Variants in ADRA1D observed in about 807,000 individuals in gnomAD.
ADRA1D encodes adrenoceptor alpha 1D.
ADRA1D carries 22 observed loss-of-function variants against 18.6 expected under a neutral mutation model. That is an observed-to-expected ratio of 1.19 (90% CI 0.85 to 1.69). ADRA1D has a LOEUF of 1.69. Ranked by LOEUF, ADRA1D falls within the 40% of genes most tolerant of loss-of-function variation. The pLI, the probability that ADRA1D is intolerant of heterozygous loss-of-function variation, is 0.00. For synonymous variants in ADRA1D, 376 were observed against 388.2 expected (o/e 0.97, Z 0.37); for missense variants, 840 against 840.7 (o/e 1.00, Z 0.01).
Position 4,221,986 on chromosome 20 carries a change from C to T in ADRA1D, c.1256G>A (p.Cys419Tyr). Residue 419 changes from cysteine to tyrosine, a missense_variant, in exon 2 of 2, where the codon TGC (cysteine) becomes TAC (tyrosine). Coordinates refer to ENST00000379453, the MANE Select transcript of ADRA1D (RefSeq NM_000678.4). ...GCGGCGCCGGCGACGACGGCACTGG[C>T]AGCGCAGGAGACGGAGGAAGGCGCG... The part of the protein sequence containing the change: ...FKRAFLRLLR[C>Y]QCRRRRRRRP... 6.3e-7 allele frequency: 1 copy of T among 1,575,502 alleles called. No homozygotes were observed. The highest frequency in any genetic ancestry group is 8.6e-7 in the Non-Finnish European group (1 of 1,161,122).
At position 4,248,801 on chromosome 20, in the gene ADRA1D, C is replaced by T. The variant is rs1015715330; in HGVS notation, c.157G>A (p.Gly53Ser). ...CTGCCTGCGCCCACCACGCCGCCGC[C>T]GCCGCCCGCGCCCCCCGGCACGCCG... ...VGGVPGGAGGGGGVVGAGSGE... is the reference protein window; with the variant it reads ...VGGVPGGAGGSGGVVGAGSGE... The change falls in exon 1 of 2, where the codon GGC becomes AGC. Residue 53 changes from glycine to serine, a missense_variant. Gly to Ser is a moderately conservative substitution (Grantham distance 56). Transcript: ENST00000379453. 298 of 1,134,966 alleles carry T rather than the reference C, an allele frequency of 2.6e-4. No homozygotes were observed. Among genetic ancestry groups the T allele is most frequent in the Non-Finnish European group, 3.0e-4 (277 of 927,210 alleles). 70.3% of individuals were successfully genotyped at this position (1,134,966 alleles called of 1,614,324 possible). A position where few individuals can be genotyped will look rare whatever the true frequency, so the allele number is the denominator to read the frequency against.
Position 4,248,327 on chromosome 20 carries a change from G to C in ADRA1D, c.631C>G (p.Arg211Gly), listed in dbSNP as rs553187114. Residue 211 changes from arginine to glycine, a missense_variant, in exon 1 of 2, where the codon CGC becomes GGC. Arg to Gly is a moderately radical substitution (Grantham distance 125). Coordinates refer to ENST00000379453, the MANE Select transcript of ADRA1D (RefSeq NM_000678.4). ...AGGGCCAGGATGGCGGCCGCCTTGCGCTCGGTCATGATGGCTGGGTACTTG... is the reference window on the plus strand; with the variant it reads ...AGGGCCAGGATGGCGGCCGCCTTGCCCTCGGTCATGATGGCTGGGTACTTG... ...SLKYPAIMTE[R>G]KAAAILALLW... The C allele has an allele frequency of 2.5e-6, 4 of 1,605,250 alleles. No individual in the cohort carries two copies. The highest frequency in any genetic ancestry group is 1.1e-5 in the South Asian group (1 of 89,654).
At chr20:4,228,803 C>T (rs1272273242) in intron 1 of ADRA1D, among the ~76,000 whole-genome samples, 1 of 152,198 alleles carries the variant, frequency 6.6e-6, no homozygotes, top group African/African-American at 2.4e-5. Flanking sequence ...TATGGTGGAG[C>T]CCTCGATCCT....
Position 4,248,165 on chromosome 20 carries a change from G to A in ADRA1D, c.793C>T (p.Leu265=), listed in dbSNP as rs1381115029. Residue 265 remains leucine (L), a synonymous_variant, in exon 1 of 2, where the codon CTG becomes TTG. Transcript: ENST00000379453. ...ATGACCACGATGACCGCCATGGGCAGGTAGAAGGAGCACACGGAGGAGAAG... is the reference window on the plus strand; with the variant it reads ...ATGACCACGATGACCGCCATGGGCAAGTAGAAGGAGCACACGGAGGAGAAG... ...AVFSSVCSFY[L]PMAVIVVMYC... The A allele has an allele frequency of 1.3e-5, 20 of 1,582,998 alleles. No individual in the cohort carries two copies. The East Asian group carries it at 1.4e-4, about 11-fold the overall frequency.
rs1477243955 is a variant in ADRA1D, at chr20:4,248,769, C to T, written c.189G>A (p.Glu63=). 5.1e-6 allele frequency: 7 copies of T among 1,361,716 alleles called. No homozygotes were observed. The highest frequency in any genetic ancestry group is 4.7e-6 in the Non-Finnish European group (5 of 1,058,620). 84.4% of individuals were successfully genotyped at this position (1,361,716 alleles called of 1,614,324 possible). A position where few individuals can be genotyped will look rare whatever the true frequency, so the allele number is the denominator to read the frequency against. The change falls in exon 1 of 2, where the codon GAG becomes GAA. Residue 63 remains glutamate, a synonymous_variant. Transcript: ENST00000379453. ...GCTCCCCCGCGGAGCTCCGGTTGTC[C>T]TCGCCGCTGCCTGCGCCCACCACGC... ...GGGVVGAGSG[E]DNRSSAGEPG...
chr20:4,249,035 G>T lies in ADRA1D; in HGVS notation c.-78C>A. On this transcript the variant is annotated 5_prime_UTR_variant, in exon 1 of 2. Transcript: ENST00000379453. The stretch of plus-strand genomic sequence containing the variant: ...AGGGAGGGGAGCACAGGGCATAGCC[G>T]CGGGGCTCCAGATGCAGCTCCGCGC... The T allele has an allele frequency of 1.8e-6, 2 of 1,082,220 alleles. No homozygotes were observed. Among genetic ancestry groups the T allele is most frequent in the Non-Finnish European group, 2.3e-6 (2 of 870,698 alleles). The allele number at this position is 1,082,220 out of a possible 1,614,324, so 67.0% of individuals were successfully genotyped here.
chr20:4,229,068 A>G (rs1980891278), intron 1 of ADRA1D, among the ~76,000 whole-genome samples: 1 of 151,568 alleles, frequency 6.6e-6, no homozygotes, highest in African/African-American at 2.4e-5. Flanking sequence ...GGTTTTTCCT[A>G]CTCCTTGTCA....
intron 1 of ADRA1D, among the ~76,000 whole-genome samples, chr20:4,240,373 T>C (rs1233948759): frequency 6.6e-6 from 1 of 151,418 alleles, no homozygotes; most frequent in African/African-American, 2.4e-5. Flanking sequence ...TTTGATGATA[T>C]TAAATGATTT....
chr20:4,231,208 T>C (rs1980960254), intron 1 of ADRA1D, among the ~76,000 whole-genome samples: 1 of 151,254 alleles, frequency 6.6e-6, no homozygotes. Flanking sequence ...AGTGAGCCTC[T>C]TGCCTCAGCC....
At position 4,222,010 on chromosome 20, in the gene ADRA1D, C is replaced by T. The variant is rs1169752417; in HGVS notation, c.1232G>A (p.Arg411His). The change falls in exon 2 of 2, where the codon CGC (arginine) becomes CAC (histidine). Residue 411 changes from arginine to histidine, a missense_variant. By Grantham distance (29) the Arg-to-His change is conservative. Transcript: ENST00000379453. The surrounding 1 kb of genome is among the most constrained non-coding windows in gnomAD (Gnocchi z 4.3). ...GCAGCGCAGGAGACGGAGGAAGGCG[C>T]GCTTGAACTCGCGGCTGGAACAGGG... ...IYPCSSREFK[R>H]AFLRLLRCQC... 1.3e-6 allele frequency: 2 copies of T among 1,598,216 alleles called. No homozygotes were observed. The highest frequency in any genetic ancestry group is 1.7e-6 in the Non-Finnish European group (2 of 1,172,306).
chr20:4,246,567 G>C (rs543315999), intron 1 of ADRA1D, among the ~76,000 whole-genome samples: 10 of 151,802 alleles, frequency 6.6e-5, no homozygotes, highest in African/African-American at 2.4e-4. Flanking sequence ...CGGCAGAGAG[G>C]GGGAGGGCAG....
chr20:4,227,704 C>CTCCTTCCTTCCCTTCCCTTCCT (rs1555820746), intron 1 of ADRA1D, among the ~76,000 whole-genome samples: 1 of 92,542 alleles, frequency 1.1e-5, no homozygotes, highest in East Asian at 4.1e-4. Context: ...CCCTCCCTCC[C>CTCCTTCCTTCCCTTCCCTTCCT]TCCTTCCTTC....
chr20:4,231,064 T>TTCTTTCTTTCTTTCTCTC (rs1491147056), intron 1 of ADRA1D, among the ~76,000 whole-genome samples: 2 of 97,922 alleles, frequency 2.0e-5, no homozygotes, highest in African/African-American at 9.4e-5. Context: ...CTTTCTTTCT[T>TTCTTTCTTTCTTTCTCTC]TCTCTCTCTC....
At chr20:4,232,206 G>A (rs1219976840) in intron 1 of ADRA1D, among the ~76,000 whole-genome samples, 3 of 152,172 alleles carry the variant, frequency 2.0e-5, no homozygotes, top group East Asian at 3.9e-4. Context: ...TCGCCACTGC[G>A]CCCGGCAGCC....
Position 4,221,699 on chromosome 20 carries a change from A to C in ADRA1D, c.1543T>G (p.Ser515Ala). Reference protein sequence around the residue: ...RPTTQLRAKVSSLSHKIRAGG... With the variant: ...RPTTQLRAKVASLSHKIRAGG... ...GCGCGGATCTTGTGCGACAGGCTGG[A>C]GACTTTGGCGCGCAGCTGGGTCGTG... Residue 515 changes from serine (S) to alanine (A), a missense_variant, in exon 2 of 2, where the codon TCC (serine) becomes GCC (alanine). Ser to Ala is a moderately conservative substitution (Grantham distance 99). Transcript: ENST00000379453. 1 of 1,611,268 alleles carries C rather than the reference A, an allele frequency of 6.2e-7. No homozygotes were observed. The highest frequency in any genetic ancestry group is 8.5e-7 in the Non-Finnish European group (1 of 1,179,466).
At chr20:4,227,498 AT>A (rs1980826794) in intron 1 of ADRA1D, among the ~76,000 whole-genome samples, 1 of 151,846 alleles carries the variant, frequency 6.6e-6, no homozygotes, top group East Asian at 1.9e-4. Flanking sequence ...TAGGTACCTG[AT>A]ACATTCTTGG....
chr20:4,241,859 C>T (rs1371160916), intron 1 of ADRA1D, among the ~76,000 whole-genome samples: 2 of 152,218 alleles, frequency 1.3e-5, no homozygotes, highest in African/African-American at 4.8e-5. Context: ...TCACAGCCTC[C>T]CCCCTGCCTC....
chr20:4,238,302 A>C (rs1006727360), intron 1 of ADRA1D, among the ~76,000 whole-genome samples: 3 of 152,140 alleles, frequency 2.0e-5, no homozygotes, highest in Non-Finnish European at 4.4e-5. Context: ...TAATCTTTAA[A>C]AAAAAGAGTT....
intron 1 of ADRA1D, among the ~76,000 whole-genome samples, chr20:4,233,978 T>C (rs544905366): frequency 1.2e-4 from 19 of 152,304 alleles, no homozygotes; most frequent in African/African-American, 4.6e-4. Flanking sequence ...ATTCCCTGTA[T>C]TGGGGTGCCC....
Sources: gnomAD v4.1 joint callset for allele counts (sites outside exome capture counted in the v4.1 genomes callset) on GRCh38, gnomAD v4.1.1 for gene constraint, Gnocchi (gnomAD v3.1) non-coding constraint, MANE v1.5 for transcripts, NCBI Gene and HGNC (gene_info 2026-07-23, HGNC 2026-07-21) for gene names.